CDC25C: variants seen among roughly 807,000 people sequenced by gnomAD.
CDC25C encodes the protein cell division cycle 25C, also known as M-phase inducer phosphatase 3.
A neutral mutation model predicts 52.5 loss-of-function variants in CDC25C; 48 were observed. The ratio of observed to expected loss-of-function variants is 0.91; its 90% CI spans 0.72 to 1.16. The LOEUF is 1.16. Among genes scored for constraint, CDC25C ranks in the 50% most tolerant of loss-of-function variants. The pLI, the probability that CDC25C is intolerant of heterozygous loss-of-function variation, is 0.00. For synonymous variants in CDC25C, 187 were observed against 206.5 expected, an observed-to-expected ratio of 0.91 and a Z score of 0.81; for missense variants, 510 against 566.1, an observed-to-expected ratio of 0.90 and a Z score of 1.01.
rs368747647 is a variant in CDC25C, at chr5:138,289,642, C to T, written c.865-79G>A. On this transcript the variant is annotated intron_variant, in intron 9 of 13. Transcript: ENST00000323760. ...GATCAAAGACCCTTATTTTGTCCTTCTTTCCAAGTGACCCTTAAAACCCCA... is the reference window on the plus strand; with the variant it reads ...GATCAAAGACCCTTATTTTGTCCTTTTTTCCAAGTGACCCTTAAAACCCCA... The T allele has an allele frequency of 4.4e-4, 527 of 1,201,974 alleles. 2 individuals are homozygous for T. In the African/African-American group the frequency reaches 7.0e-3, roughly 16 times the overall value. The allele number at this position is 1,201,974 out of a possible 1,614,324, so 74.5% of individuals were successfully genotyped here. A position where few individuals can be genotyped will look rare whatever the true frequency, so the allele number is the denominator to read the frequency against.
chr5:138,332,039 G>A (rs758423339), upstream of CDC25C: 24 of 339,288 alleles, frequency 7.1e-5, no homozygotes, highest in Non-Finnish European at 1.0e-4. Context: ...CAGGCTGCGG[G>A]GTAAGCTCCG....
At chr5:138,322,558 C>G (rs35859846) in intron 6 of CDC25C, among the ~76,000 whole-genome samples, 63,638 of 144,320 alleles carry the variant, frequency 0.44, 15,272 homozygotes, top group South Asian at 0.67. Context: ...TCACTGCAAG[C>G]TCCGCCTCCC....
chr5:138,307,695 A>G (rs529413107), intron 7 of CDC25C, among the ~76,000 whole-genome samples: 1 of 152,168 alleles, frequency 6.6e-6, no homozygotes, highest in Admixed American at 6.6e-5. Context: ...GGAGGCCAAG[A>G]CAGGGGGAAC....
chr5:138,295,225 G>A (rs1206602204), intron 7 of CDC25C, among the ~76,000 whole-genome samples: 1 of 152,166 alleles, frequency 6.6e-6, no homozygotes, highest in Non-Finnish European at 1.5e-5. Flanking sequence ...AGCTAATATA[G>A]TGATAATTAA....
In CDC25C at chr5:138,289,553, A is replaced by G; in HGVS notation, c.875T>C (p.Leu292Pro). Residue 292 changes from leucine to proline, a missense_variant, in exon 10 of 14, where the codon CTG (leucine) becomes CCG (proline). Transcript: ENST00000323760. Reference protein sequence around the residue: ...LIGDFSKVCALPTVSGKHQDL... With the variant: ...LIGDFSKVCAPPTVSGKHQDL... ...TTGGTGTTTCCCTGACACGGTTGGC[A>G]GCGCACATACCTAGAAATACACAAG... is the stretch of plus-strand genomic sequence containing the variant. 1 of 1,613,416 alleles carries G rather than the reference A, an allele frequency of 6.2e-7. No individual in the cohort carries two copies. Among genetic ancestry groups the G allele is most frequent in the Non-Finnish European group, 8.5e-7 (1 of 1,179,342 alleles).
At chr5:138,301,705 A>ATTT (rs371753855) in intron 7 of CDC25C, among the ~76,000 whole-genome samples, 26 of 114,158 alleles carry the variant, frequency 2.3e-4, no homozygotes, top group African/African-American at 5.6e-4. Context: ...AAAAAAAAAA[A>ATTT]TTTTTTTTTT....
At chr5:138,309,223 TAAA>T (rs34521148) in intron 7 of CDC25C, among the ~76,000 whole-genome samples, 38,509 of 143,550 alleles carry the variant, frequency 0.27, 5,961 homozygotes, top group South Asian at 0.43. Flanking sequence ...AAACTGGTAT[TAAA>T]AAAAAAAAAA....
intron 2 of CDC25C, among the ~76,000 whole-genome samples, chr5:138,330,679 T>C (rs557155301): frequency 6.6e-6 from 1 of 152,190 alleles, no homozygotes; most frequent in African/African-American, 2.4e-5. Context: ...AGCTAACTTT[T>C]AATATTTTTT....
chr5:138,294,172 G>A (rs1192414749), intron 7 of CDC25C, among the ~76,000 whole-genome samples: 1 of 150,400 alleles, frequency 6.6e-6, no homozygotes, highest in Non-Finnish European at 1.5e-5. Context: ...CATTACAGGT[G>A]CTGACTACCA....
intron 6 of CDC25C, among the ~76,000 whole-genome samples, chr5:138,321,114 TATA>T (rs751208684): frequency 7.3e-5 from 11 of 151,546 alleles, no homozygotes; most frequent in African/African-American, 1.2e-4. Context: ...AAGGACAAAA[TATA>T]ATATTATTCT....
At chr5:138,331,323 C>A in intron 1 of CDC25C, 105 bp from the exon 2 acceptor site, 1 of 810,990 alleles carries the variant, frequency 1.2e-6, no homozygotes, top group Non-Finnish European at 1.9e-6. Flanking sequence ...AGAGGGGCAA[C>A]CCCGAAGGGT....
chr5:138,317,227 C>T (rs796344563), intron 7 of CDC25C, among the ~76,000 whole-genome samples: 7 of 151,868 alleles, frequency 4.6e-5, no homozygotes, highest in African/African-American at 1.7e-4. Context: ...CAGAGCAAGA[C>T]CCTATCTAAT....
At chr5:138,296,570 C>T (rs926234146) in intron 7 of CDC25C, among the ~76,000 whole-genome samples, 3 of 151,398 alleles carry the variant, frequency 2.0e-5, no homozygotes, top group African/African-American at 7.3e-5. Flanking sequence ...GCCATCATGC[C>T]TGGCTAATTT....
chr5:138,295,402 C>G (rs1757103446), intron 7 of CDC25C, among the ~76,000 whole-genome samples: 1 of 152,082 alleles, frequency 6.6e-6, no homozygotes, highest in African/African-American at 2.4e-5. Flanking sequence ...CGCTTGAGTC[C>G]AGTAGTTCAA....
At chr5:138,333,961 A>C (rs1760559783), upstream of CDC25C, among the ~76,000 whole-genome samples, 1 of 150,782 alleles carries the variant, frequency 6.6e-6, no homozygotes, top group Non-Finnish European at 1.5e-5. Context: ...TTTAAGATGG[A>C]GTCTCGCTCT....
At chr5:138,331,512 C>T in intron 1 of CDC25C, 83 bp downstream of exon 1, 1 of 1,062,436 alleles carries the variant, frequency 9.4e-7, no homozygotes, top group Non-Finnish European at 1.2e-6. Context: ...CCCTCCCAAC[C>T]TCTGTCTGTG....
intron 9 of CDC25C, among the ~76,000 whole-genome samples, chr5:138,289,992 A>G (rs1756575438): frequency 6.6e-6 from 1 of 152,128 alleles, no homozygotes; most frequent in African/African-American, 2.4e-5. Context: ...TCTTGAGGCC[A>G]GGAGCTCGAG....
intron 7 of CDC25C, among the ~76,000 whole-genome samples, chr5:138,317,694 A>AT (rs1368404169): frequency 6.6e-6 from 1 of 150,482 alleles, no homozygotes; most frequent in African/African-American, 2.4e-5. Context: ...AAAAAAAAAA[A>AT]AAAAAAAAAA....
intron 7 of CDC25C, among the ~76,000 whole-genome samples, chr5:138,294,924 C>T (rs1351141749): frequency 6.6e-6 from 1 of 152,216 alleles, no homozygotes; most frequent in Non-Finnish European, 1.5e-5. Flanking sequence ...GCTGGGATTA[C>T]AGGCATGAGC....
Sources: gnomAD v4.1 joint callset for allele counts (sites outside exome capture counted in the v4.1 genomes callset) on GRCh38, gnomAD v4.1.1 for gene constraint, MANE v1.5 for transcripts, NCBI Gene and HGNC (gene_info 2026-07-23, HGNC 2026-07-21) for gene names.